The following SUGCT variants were observed in gnomAD, a reference collection of about 807,000 sequenced individuals.
The protein encoded by SUGCT is succinyl-CoA:glutarate-CoA transferase, also known as succinyl-CoA:glutarate CoA-transferase.
SUGCT carries 41 observed loss-of-function variants against 55.0 expected under a neutral mutation model. The observed-to-expected ratio is 0.74, with a 90% CI of 0.58 to 0.97. The LOEUF (loss-of-function observed/expected upper bound fraction) is 0.97. Among genes scored for constraint, SUGCT ranks in the 50% least tolerant of loss-of-function variants. The pLI is 0.00. For missense variants in SUGCT, 568 were observed against 547.8 expected (o/e 1.04, Z -0.37); for synonymous variants, 187 against 200.4 (o/e 0.93, Z 0.56).
the SUGCT span, among the ~76,000 whole-genome samples, chr7:40,892,094 C>T: frequency 6.6e-6 from 1 of 152,074 alleles, no homozygotes; most frequent in Admixed American, 6.5e-5. Context: ...GTGAATAAGT[C>T]ACTTTTAACT....
chr7:40,248,670 C>G (rs1335554478), intron 7 of SUGCT, among the ~76,000 whole-genome samples: 1 of 152,066 alleles, frequency 6.6e-6, no homozygotes, highest in Non-Finnish European at 1.5e-5. Context: ...TCTGGCCCCA[C>G]ATGTACAATT....
chr7:40,871,295 T>A, the SUGCT span, among the ~76,000 whole-genome samples: 1 of 152,194 alleles, frequency 6.6e-6, no homozygotes, highest in African/African-American at 2.4e-5. Context: ...TTTATGCTCT[T>A]GGAAATCAAC....
chr7:40,537,732 A>T lies in SUGCT; in HGVS notation c.1089+41346A>T, dbSNP rs540135832. 4.0e-4 allele frequency among the ~76,000 whole-genome samples: 61 copies of T among 152,294 alleles called. No homozygotes were observed. In the South Asian group the frequency reaches 5.2e-3, roughly 13 times the overall value. The stretch of plus-strand genomic sequence containing the variant: ...CAAATAACTATTAAACACTTTTCCT[A>T]GTTTTGTTTAATACTTTCAGGAAAC... On this transcript the variant is annotated intron_variant, in intron 12 of 13. Transcript: ENST00000335693.
intron 12 of SUGCT, among the ~76,000 whole-genome samples, chr7:40,560,565 T>A (rs1444024462): frequency 6.6e-6 from 1 of 152,196 alleles, no homozygotes; most frequent in Non-Finnish European, 1.5e-5. Context: ...TACCTTAAGG[T>A]GAAATCCAAT....
chr7:40,616,212 T>C (rs954913409), intron 12 of SUGCT, among the ~76,000 whole-genome samples: 31 of 152,310 alleles, frequency 2.0e-4, no homozygotes, highest in Non-Finnish European at 2.2e-4. Context: ...TTTTTTCTTT[T>C]TGAGATGGAG....
chr7:40,261,973 C>A (rs1377624784), intron 7 of SUGCT, among the ~76,000 whole-genome samples: 1 of 152,158 alleles, frequency 6.6e-6, no homozygotes, highest in Non-Finnish European at 1.5e-5. Flanking sequence ...AATTCCCCAA[C>A]CTTCCATTTC....
intron 9 of SUGCT, among the ~76,000 whole-genome samples, chr7:40,378,228 T>C (rs1784702098): frequency 6.6e-6 from 1 of 152,108 alleles, no homozygotes; most frequent in Non-Finnish European, 1.5e-5. Context: ...CTCCTCTTTT[T>C]TTTGGGACTC....
chr7:40,189,657 G>T, intron 5 of SUGCT, 63 bp downstream of exon 5: 1 of 914,362 alleles, frequency 1.1e-6, no homozygotes, highest in Admixed American at 3.2e-5. Flanking sequence ...TGGAATATCA[G>T]AGCAAAAGTG....
At chr7:40,297,353 G>A (rs1794224714) in intron 8 of SUGCT, among the ~76,000 whole-genome samples, 1 of 151,808 alleles carries the variant, frequency 6.6e-6, no homozygotes, top group African/African-American at 2.4e-5. Context: ...TTCAATTAGG[G>A]TAATGTACAT....
chr7:40,555,154 G>A (rs964230737), intron 12 of SUGCT, among the ~76,000 whole-genome samples: 8 of 151,934 alleles, frequency 5.3e-5, no homozygotes, highest in Non-Finnish European at 7.4e-5. Flanking sequence ...GGCAGTGTGG[G>A]TATTTATGAG....
At chr7:40,628,372 A>G (rs1025517892) in intron 12 of SUGCT, among the ~76,000 whole-genome samples, 4 of 151,470 alleles carry the variant, frequency 2.6e-5, no homozygotes, top group Non-Finnish European at 4.4e-5. Context: ...GTCTCCCTCA[A>G]TAACCATACT....
the SUGCT span, among the ~76,000 whole-genome samples, chr7:41,015,846 T>G: frequency 3.9e-5 from 6 of 152,180 alleles, no homozygotes; most frequent in Admixed American, 2.0e-4. Context: ...CTTACTTCCT[T>G]CCTTCAGTGC....
chr7:40,466,480 C>T (rs1406847100), intron 11 of SUGCT, among the ~76,000 whole-genome samples: 7 of 152,182 alleles, frequency 4.6e-5, no homozygotes, highest in Non-Finnish European at 8.8e-5. Context: ...CCTCCTGTGC[C>T]GCTGCATCAC....
chr7:40,807,934 T>C (rs1791195730), intron 13 of SUGCT, among the ~76,000 whole-genome samples: 1 of 152,178 alleles, frequency 6.6e-6, no homozygotes, highest in South Asian at 2.1e-4. Flanking sequence ...TTTATGTTCT[T>C]TTGCCTGCTT....
At chr7:40,350,121 T>C (rs879602374) in intron 9 of SUGCT, among the ~76,000 whole-genome samples, 4 of 152,042 alleles carry the variant, frequency 2.6e-5, no homozygotes, top group Non-Finnish European at 5.9e-5. Flanking sequence ...TAATATCCTT[T>C]ATTCTAATAT....
chr7:40,706,002 G>T (rs919327487), intron 12 of SUGCT, among the ~76,000 whole-genome samples: 1 of 152,148 alleles, frequency 6.6e-6, no homozygotes, highest in Admixed American at 6.5e-5. Flanking sequence ...TCAGAGGCAT[G>T]TGATTTTTAT....
the SUGCT span, among the ~76,000 whole-genome samples, chr7:40,916,595 C>T: frequency 5.9e-5 from 9 of 152,302 alleles, no homozygotes; most frequent in African/African-American, 2.2e-4. Context: ...TCTAGGTCTA[C>T]ACTTGAATAC....
chr7:40,927,607 C>A, the SUGCT span, among the ~76,000 whole-genome samples: 1 of 152,150 alleles, frequency 6.6e-6, no homozygotes, highest in East Asian at 1.9e-4. Context: ...CATATCTAAC[C>A]TTTTGGGACA....
chr7:40,594,892 C>T (rs1038007440), intron 12 of SUGCT, among the ~76,000 whole-genome samples: 3 of 152,112 alleles, frequency 2.0e-5, no homozygotes, highest in Non-Finnish European at 2.9e-5. Context: ...CACTCTGCTA[C>T]GTTTAGAATG....
Sources: gnomAD v4.1 joint callset for allele counts (sites outside exome capture counted in the v4.1 genomes callset) on GRCh38, gnomAD v4.1.1 for gene constraint, MANE v1.5 for transcripts, NCBI Gene and HGNC (gene_info 2026-07-23, HGNC 2026-07-21) for gene names.